Variants in LAMB3 observed in about 807,000 individuals in gnomAD.
The protein encoded by LAMB3 is laminin subunit beta 3, also known as laminin subunit beta-3.
Under a neutral mutation model 140.3 loss-of-function variants are expected in LAMB3, and 104 were observed. The ratio of observed to expected loss-of-function variants is 0.74; its 90% CI spans 0.63 to 0.87. LAMB3 has a LOEUF of 0.87. Among genes scored for constraint, LAMB3 ranks in the 40% least tolerant of loss-of-function variants. The pLI is 0.00. For missense variants in LAMB3, 1,531 were observed against 1,575.2 expected (o/e 0.97, Z 0.47); for synonymous variants, 592 against 602.9 (o/e 0.98, Z 0.26).
At chr1:209,635,454 G>A (rs766513322) in intron 5 of LAMB3, among the ~76,000 whole-genome samples, 1 of 152,196 alleles carries the variant, frequency 6.6e-6, no homozygotes, top group Non-Finnish European at 1.5e-5. Context: ...TCAGGCCAGA[G>A]TGCAGTGGTA....
In LAMB3 at chr1:209,623,255, C is replaced by G; in HGVS notation, c.2359-76G>C. ...CAATCCCACCCCACACCTGGGAAAC[C>G]AACAGCCAGACATCTCCATGACAAC... On this transcript the variant is annotated intron_variant, in intron 16 of 22. Coordinates refer to ENST00000356082, the MANE Select transcript of LAMB3 (RefSeq NM_000228.3). The surrounding 1 kb of genome is among the most constrained non-coding windows in gnomAD (Gnocchi z 4.2). The G allele has an allele frequency of 7.0e-7, 1 of 1,431,852 alleles. No homozygotes were observed. The highest frequency in any genetic ancestry group is 9.8e-7 in the Non-Finnish European group (1 of 1,024,800). 88.7% of individuals were successfully genotyped at this position (1,431,852 alleles called of 1,614,324 possible). A position where few individuals can be genotyped will look rare whatever the true frequency, so the allele number is the denominator to read the frequency against.
intron 14 of LAMB3, 122 bp downstream of exon 14, chr1:209,625,526 G>A (rs1666403081): frequency 2.4e-6 from 3 of 1,246,250 alleles, no homozygotes; most frequent in Non-Finnish European, 3.5e-6. Context: ...GAAAGAGAGA[G>A]CACTGTGAAA....
At chr1:209,635,510 C>A (rs1004512447) in intron 5 of LAMB3, among the ~76,000 whole-genome samples, 1 of 152,198 alleles carries the variant, frequency 6.6e-6, no homozygotes, top group Non-Finnish European at 1.5e-5. Context: ...TCCAGCGATT[C>A]TCATGTCTCA....
chr1:209,646,156 C>G (rs1339579021), intron 3 of LAMB3, among the ~76,000 whole-genome samples: 2 of 152,198 alleles, frequency 1.3e-5, no homozygotes, highest in African/African-American at 4.8e-5. Flanking sequence ...AGACACAACA[C>G]TGGAGGAGAC....
At position 209,632,781 on chromosome 1, in the gene LAMB3, G is replaced by C. The variant is rs375846575; in HGVS notation, c.629-5C>G. ...AGTTTGTGATCTCCCCCACCTCTGA[G>C]AGGGCCAAACAGCAAGGAGGGAAGA... On this transcript the variant is annotated splice_polypyrimidine_tract_variant and splice_region_variant and intron_variant, in intron 7 of 22. Coordinates refer to ENST00000356082, the MANE Select transcript of LAMB3 (RefSeq NM_000228.3). The C allele has an allele frequency of 7.4e-5, 119 of 1,613,894 alleles. No individual in the cohort carries two copies. The highest frequency in any genetic ancestry group is 9.9e-5 in the Non-Finnish European group (117 of 1,179,862).
intron 4 of LAMB3, 125 bp from the exon 5 acceptor site, chr1:209,638,106 C>T (rs932252317): frequency 9.0e-5 from 71 of 787,300 alleles, no homozygotes; most frequent in Non-Finnish European, 1.5e-4. Flanking sequence ...TCCAAACTCC[C>T]TCTTGGAGAG....
rs745366407 is a variant in LAMB3, at chr1:209,629,829, C to T, written c.1040G>A (p.Arg347Gln). 59 of 1,613,880 alleles carry T rather than the reference C, an allele frequency of 3.7e-5. No individual in the cohort carries two copies. Among genetic ancestry groups the T allele is most frequent in the Non-Finnish European group, 4.6e-5 (54 of 1,180,014 alleles). Reference protein sequence around the residue: ...GAYGGVCDNCRDHTEGKNCER... With the variant: ...GAYGGVCDNCQDHTEGKNCER... ...ACAGTTCTTGCCTTCGGTGTGGTCC[C>T]GGCAATTGTCACACACACCTCCATA... is the stretch of plus-strand genomic sequence containing the variant. The change falls in exon 10 of 23, where the codon CGG becomes CAG. Residue 347 changes from arginine to glutamine, a missense_variant. Physicochemically the swap from Arg to Gln is conservative, Grantham distance 43. Transcript: ENST00000356082.
At chr1:209,630,935 A>ATG (rs141482575) in intron 8 of LAMB3, among the ~76,000 whole-genome samples, 200 bp from the exon 9 acceptor site, 1 of 152,124 alleles carries the variant, frequency 6.6e-6, no homozygotes, top group African/African-American at 2.4e-5. Flanking sequence ...ACATATGAGC[A>ATG]TGTGTGTGTG....
At chr1:209,616,724 G>A (rs1330804944) in intron 21 of LAMB3, 100 bp from the exon 22 acceptor site, 2 of 1,189,164 alleles carry the variant, frequency 1.7e-6, no homozygotes, top group African/African-American at 1.5e-5. Flanking sequence ...TACACAGTGG[G>A]AAGGTGCCTC....
intron 5 of LAMB3, among the ~76,000 whole-genome samples, chr1:209,634,917 T>TTCTCTCTCTCTCTC (rs59855467): frequency 1.8e-4 from 25 of 136,246 alleles, no homozygotes; most frequent in African/African-American, 7.2e-4. Context: ...CCATTTTTTA[T>TTCTCTCTCTCTCTC]TCTCTCTCTC....
intron 3 of LAMB3, among the ~76,000 whole-genome samples, chr1:209,646,643 G>A (rs1304070019): frequency 1.3e-5 from 2 of 152,214 alleles, no homozygotes; most frequent in Non-Finnish European, 2.9e-5. Context: ...TGAGGTACGC[G>A]AACGCATGTC....
chr1:209,630,073 T>C (rs1297299464), intron 9 of LAMB3, 148 bp from the exon 10 acceptor site: 1 of 747,872 alleles, frequency 1.3e-6, no homozygotes, highest in Non-Finnish European at 2.3e-6. Context: ...GGGAGGTTTG[T>C]ATAACTTATT....
At position 209,634,434 on chromosome 1, in the gene LAMB3, T is replaced by C; in HGVS notation, c.564+13A>G. 1.2e-6 allele frequency: 2 copies of C among 1,613,192 alleles called. No homozygotes were observed. The highest frequency in any genetic ancestry group is 1.7e-6 in the Non-Finnish European group (2 of 1,179,202). The stretch of plus-strand genomic sequence containing the variant: ...TCTCCCCAGGCCTACTTTTCAGGAT[T>C]CCCTCTACCTACCTTCCCCCCATTT... On this transcript the variant is annotated intron_variant, in intron 6 of 22. Coordinates refer to ENST00000356082, the MANE Select transcript of LAMB3 (RefSeq NM_000228.3).
chr1:209,628,101 C>G lies in LAMB3; in HGVS notation c.1222G>C (p.Glu408Gln), dbSNP rs145170416. The G allele has an allele frequency of 6.2e-7, 1 of 1,601,716 alleles. No homozygotes were observed. Among genetic ancestry groups the G allele is most frequent in the Non-Finnish European group, 8.5e-7 (1 of 1,173,856 alleles). Reference sequence around the variant, plus strand: ...CCCGGCTTGCATAGGTCACAGCGCTCTCCCTGCACATGCTCCTTGCACACA... The same window carrying G: ...CCCGGCTTGCATAGGTCACAGCGCTGTCCCTGCACATGCTCCTTGCACACA... ...QCVCKEHVQGERCDLCKPGFT... is the reference protein window; with the variant it reads ...QCVCKEHVQGQRCDLCKPGFT... Residue 408 changes from glutamate (E) to glutamine (Q), a missense_variant, in exon 11 of 23, where the codon GAG (glutamate) becomes CAG (glutamine). Coordinates refer to ENST00000356082, the MANE Select transcript of LAMB3 (RefSeq NM_000228.3).
Position 209,634,475 on chromosome 1 carries a change from C to T in LAMB3, c.536G>A (p.Arg179Lys), listed in dbSNP as rs1666819112. Residue 179 changes from arginine (R) to lysine (K), a missense_variant, in exon 6 of 23, where the codon AGG (arginine) becomes AAG (lysine). Arg to Lys is a conservative substitution (Grantham distance 26). Coordinates refer to ENST00000356082, the MANE Select transcript of LAMB3 (RefSeq NM_000228.3). Reference protein sequence around the residue: ...QDVRCQSLPQRPNARLNGGKV... With the variant: ...QDVRCQSLPQKPNARLNGGKV... Reference sequence around the variant, plus strand: ...CCCCCCATTTAGGCGTGCATTAGGCCTCTGAGGCAGGGACTGGCACCGAAC... The same window carrying T: ...CCCCCCATTTAGGCGTGCATTAGGCTTCTGAGGCAGGGACTGGCACCGAAC... 1.9e-6 allele frequency: 3 copies of T among 1,614,086 alleles called. No homozygotes were observed. Among genetic ancestry groups the T allele is most frequent in the Admixed American group, 1.7e-5 (1 of 60,010 alleles).
At chr1:209,629,438 CCAAA>C (rs1666594578) in intron 10 of LAMB3, among the ~76,000 whole-genome samples, 1 of 152,164 alleles carries the variant, frequency 6.6e-6, no homozygotes, top group Non-Finnish European at 1.5e-5. Context: ...GTTTATATTG[CCAAA>C]CAGTGTGTGT....
At chr1:209,641,169 C>T (rs3819353) in intron 3 of LAMB3, among the ~76,000 whole-genome samples, 27,110 of 150,210 alleles carry the variant, frequency 0.18, 2,553 homozygotes, top group African/African-American at 0.22. Flanking sequence ...CTTGAATAAA[C>T]GAATAGCAAA....
rs112863225 is a variant in LAMB3, at chr1:209,644,883, G to C, written c.183+5081C>G. Reference sequence around the variant, plus strand: ...AGACCCTCATATGGCACCCAGGCAGGGGGTAGATGGCCAGGAAAAGAAGCA... The same window carrying C: ...AGACCCTCATATGGCACCCAGGCAGCGGGTAGATGGCCAGGAAAAGAAGCA... On this transcript the variant is annotated intron_variant, in intron 3 of 22. Coordinates refer to ENST00000356082, the MANE Select transcript of LAMB3 (RefSeq NM_000228.3). Among the ~76,000 whole-genome samples the C allele has an allele frequency of 1.1e-4, 17 of 152,304 alleles. No individual in the cohort carries two copies. In the East Asian group the frequency reaches 2.1e-3, roughly 19 times the overall value.
chr1:209,617,650 AT>A, intron 20 of LAMB3, 64 bp from the exon 21 acceptor site: 1 of 1,581,666 alleles, frequency 6.3e-7, no homozygotes. Flanking sequence ...GTTCATCCCC[AT>A]TTTTTCTCCA....
Sources: allele counts gnomAD v4.1 joint callset (sites outside exome capture counted in the v4.1 genomes callset), GRCh38; gene constraint gnomAD v4.1.1; non-coding constraint Gnocchi (gnomAD v3.1); transcripts MANE v1.5; gene names NCBI Gene and HGNC (gene_info 2026-07-23, HGNC 2026-07-21).